The following GRK4 variants were observed in gnomAD, a reference collection of about 807,000 sequenced individuals.
GRK4 encodes the protein G protein-coupled receptor kinase 2-like.
In GRK4, 73 loss-of-function variants were observed where a neutral mutation model predicts 77.9. That is an observed-to-expected ratio of 0.94 (90% CI 0.78 to 1.14). The LOEUF (loss-of-function observed/expected upper bound fraction) is 1.14. Ranked by LOEUF, GRK4 falls within the 50% of genes most tolerant of loss-of-function variation. The pLI is 0.00. For synonymous variants in GRK4, 257 were observed against 254.4 expected (o/e 1.01, Z -0.10); for missense variants, 729 against 700.2 (o/e 1.04, Z -0.46).
chr4:3,039,185 C>T (rs1011380240), intron 15 of GRK4, among the ~76,000 whole-genome samples: 11 of 152,010 alleles, frequency 7.2e-5, no homozygotes, highest in Admixed American at 1.3e-4. Context: ...CACTGTACTC[C>T]AGCCTGGGCA....
intron 12 of GRK4, among the ~76,000 whole-genome samples, chr4:3,030,251 G>A (rs1183266712): frequency 1.3e-5 from 2 of 152,100 alleles, no homozygotes; most frequent in Admixed American, 1.3e-4. Context: ...GCAAGGAGAT[G>A]AGCCCCAAGC....
intron 1 of GRK4, among the ~76,000 whole-genome samples, chr4:2,964,697 T>C (rs1235994905): frequency 5.9e-5 from 9 of 152,246 alleles, no homozygotes; most frequent in Non-Finnish European, 1.0e-4. Flanking sequence ...AAATTCAGCC[T>C]TTTATCATTA....
chr4:3,028,079 T>C, intron 11 of GRK4, 78 bp downstream of exon 11: 1 of 1,259,072 alleles, frequency 7.9e-7, no homozygotes, highest in Non-Finnish European at 1.2e-6. Flanking sequence ...AAATCCACCC[T>C]GAATGGACCG....
At chr4:2,983,841 C>G (rs1464887171) in intron 1 of GRK4, among the ~76,000 whole-genome samples, 4 of 152,032 alleles carry the variant, frequency 2.6e-5, no homozygotes, top group Non-Finnish European at 5.9e-5. Flanking sequence ...CCTCAGGAAA[C>G]TTACAATCAT....
chr4:2,979,774 G>T (rs888642432), intron 1 of GRK4, among the ~76,000 whole-genome samples: 2 of 152,210 alleles, frequency 1.3e-5, no homozygotes, highest in African/African-American at 2.4e-5. Flanking sequence ...AGCTGCTGAG[G>T]AGGCTGAGGT....
chr4:3,013,910 T>A, intron 8 of GRK4, 82 bp downstream of exon 8: 1 of 1,401,788 alleles, frequency 7.1e-7, no homozygotes, highest in Non-Finnish European at 9.6e-7. Context: ...CAGCTCACGC[T>A]CACTGAAGCC....
chr4:3,015,342 G>A (rs1237363754), intron 8 of GRK4, among the ~76,000 whole-genome samples: 1 of 152,182 alleles, frequency 6.6e-6, no homozygotes, highest in Non-Finnish European at 1.5e-5. Context: ...GCTTTGTGCA[G>A]GGGGACAAAT....
At chr4:2,984,478 G>A (rs2109564080) in intron 1 of GRK4, 35 bp from the exon 2 acceptor site, 1 of 1,195,948 alleles carries the variant, frequency 8.4e-7, no homozygotes, top group Non-Finnish European at 1.2e-6. Context: ...ATTTCTGACT[G>A]TTAAAGGAAA....
chr4:2,976,704 G>T (rs1721297647), intron 1 of GRK4, among the ~76,000 whole-genome samples: 1 of 137,664 alleles, frequency 7.3e-6, no homozygotes, highest in South Asian at 2.4e-4. Context: ...GCAACGGCAT[G>T]ATCCCAGCTC....
intron 1 of GRK4, chr4:2,965,255 C>T (rs1376535830): frequency 1.3e-5 from 9 of 702,898 alleles, no homozygotes; most frequent in East Asian, 2.7e-5. Flanking sequence ...CTCTGCATCC[C>T]GCCACAAAAG....
chr4:3,008,140 ATTTT>A (rs1367864627), intron 6 of GRK4, among the ~76,000 whole-genome samples: 1 of 152,262 alleles, frequency 6.6e-6, no homozygotes. Context: ...TGTATATGAT[ATTTT>A]TATACAGAAA....
At chr4:2,992,159 A>G (rs565502211) in intron 3 of GRK4, 56 bp from the exon 4 acceptor site, 10 of 1,228,828 alleles carry the variant, frequency 8.1e-6, no homozygotes, top group Middle Eastern at 2.0e-4. Flanking sequence ...AACTACAGGT[A>G]TGCACCACCA....
At chr4:2,969,203 A>G (rs1423168691) in intron 1 of GRK4, 2 of 152,208 alleles carry the variant, frequency 1.3e-5, no homozygotes, top group Non-Finnish European at 2.9e-5. Flanking sequence ...AGAATCCTCA[A>G]AGTTGCCTTT....
chr4:2,967,371 C>T (rs967691862), intron 1 of GRK4, among the ~76,000 whole-genome samples: 1 of 152,094 alleles, frequency 6.6e-6, no homozygotes, highest in African/African-American at 2.4e-5. Flanking sequence ...ATGAAGGAAG[C>T]GTGAAATGAT....
intron 15 of GRK4, among the ~76,000 whole-genome samples, chr4:3,039,369 C>G (rs1243397663): frequency 6.6e-6 from 1 of 152,070 alleles, no homozygotes; most frequent in Non-Finnish European, 1.5e-5. Context: ...TGATTCAGAG[C>G]TTGGCCACTA....
In GRK4 at chr4:3,040,441, A is replaced by T. The variant is rs1742082025; in HGVS notation, c.1684-131A>T. 3.5e-5 allele frequency: 23 copies of T among 651,388 alleles called. 1 individual carries two copies. In the Middle Eastern group the frequency reaches 4.0e-3, roughly 114 times the overall value. The allele number at this position is 651,388 out of a possible 1,614,324, so 40.4% of individuals were successfully genotyped here. A position where few individuals can be genotyped will look rare whatever the true frequency, so the allele number is the denominator to read the frequency against. The stretch of plus-strand genomic sequence containing the variant: ...GGGCGACAGAGTGAGACTATGTCTC[A>T]AAAAATAAATAAATAAATAAAAAAT... On this transcript the variant is annotated intron_variant, in intron 15 of 15. Transcript: ENST00000398052.
chr4:3,038,371 T>C lies in GRK4; in HGVS notation c.1546-5T>C. ...CTTCTCTGTCCTGTTATTCTGTGCATGCAGATGATCGAATCTGGGTGTTTC... is the reference window on the plus strand; with the variant it reads ...CTTCTCTGTCCTGTTATTCTGTGCACGCAGATGATCGAATCTGGGTGTTTC... On this transcript the variant is annotated splice_polypyrimidine_tract_variant and splice_region_variant and intron_variant, in intron 14 of 15. Transcript: ENST00000398052. 6.2e-7 allele frequency: 1 copy of C among 1,614,140 alleles called. No homozygotes were observed. Among genetic ancestry groups the C allele is most frequent in the Non-Finnish European group, 8.5e-7 (1 of 1,180,004 alleles).
chr4:3,039,875 T>TGG (rs1195733917), intron 15 of GRK4, among the ~76,000 whole-genome samples: 1 of 152,122 alleles, frequency 6.6e-6, no homozygotes, highest in Non-Finnish European at 1.5e-5. Context: ...TGCTCCTCCC[T>TGG]GGGCCCCGGT....
intron 6 of GRK4, among the ~76,000 whole-genome samples, chr4:3,008,216 T>A (rs1731880954): frequency 6.6e-6 from 1 of 152,234 alleles, no homozygotes; most frequent in Non-Finnish European, 1.5e-5. Context: ...TCTCTCTTTT[T>A]AAAATGGCAG....
Sources: gnomAD v4.1 joint callset for allele counts (sites outside exome capture counted in the v4.1 genomes callset) on GRCh38, gnomAD v4.1.1 for gene constraint, MANE v1.5 for transcripts, NCBI Gene and HGNC (gene_info 2026-07-23, HGNC 2026-07-21) for gene names.